Variants in CTSE observed in about 807,000 individuals in gnomAD.
CTSE encodes the protein cathepsin E, also known as erythrocyte membrane aspartic proteinase.
A neutral mutation model predicts 42.8 loss-of-function variants in CTSE; 43 were observed. The observed-to-expected ratio is 1.01, with a 90% CI of 0.79 to 1.30. CTSE has a LOEUF of 1.30. CTSE is among the 50% of genes most tolerant of loss of function. CTSE has a pLI of 0.00. For synonymous variants in CTSE, 205 were observed against 191.5 expected (o/e 1.07, Z -0.58); for missense variants, 532 against 493.5 (o/e 1.08, Z -0.74).
In CTSE at chr1:206,023,757, A is replaced by G; in HGVS notation, c.35T>C (p.Leu12Pro). The G allele has an allele frequency of 1.2e-6, 2 of 1,613,762 alleles. No homozygotes were observed. The highest frequency in any genetic ancestry group is 1.7e-6 in the Non-Finnish European group (2 of 1,179,810). Residue 12 changes from leucine to proline, a missense_variant, in exon 1 of 9, where the codon CTG (leucine) becomes CCG (proline). Coordinates refer to ENST00000358184, the MANE Select transcript of CTSE (RefSeq NM_001910.4). Reference sequence around the variant, plus strand: ...GGATCCTTGGGCCTCTCCCAGCTCCAGGAGCACCAGCAGCAAAAGAAGGAG... The same window carrying G: ...GGATCCTTGGGCCTCTCCCAGCTCCGGGAGCACCAGCAGCAAAAGAAGGAG... ...KTLLLLLLVL[L>P]ELGEAQGSLH...
Position 206,022,336 on chromosome 1 carries a change from C to A in CTSE, c.226-69G>T, listed in dbSNP as rs1451038129. The A allele has an allele frequency of 1.3e-5, 15 of 1,161,644 alleles. No homozygotes were observed. The Admixed American group carries it at 3.0e-4, about 23-fold the overall frequency. 72.0% of individuals were successfully genotyped at this position (1,161,644 alleles called of 1,614,324 possible). A position where few individuals can be genotyped will look rare whatever the true frequency, so the allele number is the denominator to read the frequency against. ...AGGGACAAGGGTGCTCACCAGGAAG[C>A]CAGGGGAAAGCTCCCAGGGGCCAGA... On this transcript the variant is annotated intron_variant, in intron 2 of 8. Transcript: ENST00000358184.
At chr1:206,023,433 G>A (rs539453080) in intron 1 of CTSE, among the ~76,000 whole-genome samples, 5 of 152,002 alleles carry the variant, frequency 3.3e-5, no homozygotes, top group East Asian at 3.9e-4. Flanking sequence ...GTCCTGGGGC[G>A]CTTTGAGCTA....
intron 5 of CTSE, 127 bp from the exon 6 acceptor site, chr1:206,014,021 G>A (rs1661195855): frequency 9.6e-7 from 1 of 1,038,144 alleles, no homozygotes. Flanking sequence ...CATCAGTCTG[G>A]GCTTTGAGAC....
intron 4 of CTSE, among the ~76,000 whole-genome samples, chr1:206,020,059 A>C (rs929489222): frequency 5.5e-5 from 8 of 145,906 alleles, no homozygotes; most frequent in Non-Finnish European, 1.2e-4. Flanking sequence ...TATATGATAT[A>C]ATTATGCAAT....
At chr1:206,014,933 G>T (rs74145080) in intron 5 of CTSE, among the ~76,000 whole-genome samples, 4,186 of 152,062 alleles carry the variant, frequency 0.028, 207 homozygotes, top group African/African-American at 0.096. Flanking sequence ...GTGGGAGAGG[G>T]GAATGAGAGG....
At chr1:206,022,071 C>G in intron 3 of CTSE, 79 bp downstream of exon 3, 1 of 956,434 alleles carries the variant, frequency 1.0e-6, no homozygotes, top group Non-Finnish European at 1.5e-6. Flanking sequence ...ACCTAAGCCC[C>G]CCTTCCCCAG....
At chr1:206,019,538 G>C (rs1553278086) in intron 4 of CTSE, among the ~76,000 whole-genome samples, 1 of 151,834 alleles carries the variant, frequency 6.6e-6, no homozygotes, top group African/African-American at 2.4e-5. Flanking sequence ...ACACCAGCCA[G>C]GTGAGCCAAC....
chr1:206,021,595 T>C (rs1440426121), intron 3 of CTSE, among the ~76,000 whole-genome samples: 3 of 152,056 alleles, frequency 2.0e-5, no homozygotes, highest in Non-Finnish European at 2.9e-5. Context: ...ACATTCTGTC[T>C]CTGGGACTTG....
At position 206,010,156 on chromosome 1, in the gene CTSE, A is replaced by G. The variant is rs1661045866; in HGVS notation, c.*27T>C. On this transcript the variant is annotated 3_prime_UTR_variant, in exon 9 of 9. Coordinates refer to ENST00000358184, the MANE Select transcript of CTSE (RefSeq NM_001910.4). Reference sequence around the variant, plus strand: ...CTAACATATTCAAGGTCTGTCAGACAGGCAGGCACAGACACAAGGCCCCTC... The same window carrying G: ...CTAACATATTCAAGGTCTGTCAGACGGGCAGGCACAGACACAAGGCCCCTC... The G allele has an allele frequency of 6.2e-7, 1 of 1,612,960 alleles. No homozygotes were observed. Among genetic ancestry groups the G allele is most frequent in the South Asian group, 1.1e-5 (1 of 91,056 alleles).
At chr1:206,020,673 G>T (rs955017968) in intron 4 of CTSE, among the ~76,000 whole-genome samples, 13 of 151,998 alleles carry the variant, frequency 8.6e-5, no homozygotes, top group Admixed American at 7.9e-4. Context: ...TTCAGACCTT[G>T]CCCCCTTATG....
rs558074536 is a variant in CTSE, at chr1:206,020,387, C to T, written c.462+662G>A. ...TGCCCTGCTGGCCTCGGGAATACCC[C>T]AGGGACCAACGTTCACCAGGAGTAG... On this transcript the variant is annotated intron_variant, in intron 4 of 8. Transcript: ENST00000358184. 3.0e-3 allele frequency among the ~76,000 whole-genome samples: 449 copies of T among 152,060 alleles called. 4 individuals are homozygous for T. The highest frequency in any genetic ancestry group is 0.01 in the African/African-American group (427 of 41,524).
intron 4 of CTSE, among the ~76,000 whole-genome samples, chr1:206,019,059 G>T (rs1382077221): frequency 1.3e-5 from 2 of 152,008 alleles, no homozygotes; most frequent in Non-Finnish European, 2.9e-5. Flanking sequence ...CCCTTTAAGG[G>T]CTGCATCAGC....
Position 206,010,168 on chromosome 1 carries a change from A to T in CTSE, c.*15T>A. On this transcript the variant is annotated 3_prime_UTR_variant, in exon 9 of 9. Transcript: ENST00000358184. ...AGGTCTGTCAGACAGGCAGGCACAG[A>T]CACAAGGCCCCTCCTTAGGGGACTG... 6.2e-7 allele frequency: 1 copy of T among 1,613,566 alleles called. No individual in the cohort carries two copies. The highest frequency in any genetic ancestry group is 1.7e-5 in the Admixed American group (1 of 59,980).
At chr1:206,016,223 T>G in intron 4 of CTSE, 93 bp from the exon 5 acceptor site, 1 of 1,170,742 alleles carries the variant, frequency 8.5e-7, no homozygotes, top group South Asian at 1.3e-5. Flanking sequence ...GTCTTGAAGC[T>G]AATGCCTCTC....
intron 6 of CTSE, 129 bp from the exon 7 acceptor site, chr1:206,012,778 A>T (rs1190634790): frequency 5.7e-6 from 6 of 1,049,680 alleles, no homozygotes; most frequent in Non-Finnish European, 8.5e-6. Flanking sequence ...GTGTTCCTCA[A>T]TTGTTTTCTA....
intron 6 of CTSE, 127 bp from the exon 7 acceptor site, chr1:206,012,776 C>A: frequency 1.9e-6 from 2 of 1,062,164 alleles, no homozygotes; most frequent in Non-Finnish European, 2.8e-6. Context: ...GAGTGTTCCT[C>A]AATTGTTTTC....
rs1553278290 is a variant in CTSE at position 206,021,030 on chromosome 1, A to G, written c.462+19T>C. 2 of 1,539,518 alleles carry G rather than the reference A, an allele frequency of 1.3e-6. No homozygotes were observed. The highest frequency in any genetic ancestry group is 3.3e-5 in the Admixed American group (2 of 59,892). On this transcript the variant is annotated intron_variant, in intron 4 of 8. Coordinates refer to ENST00000358184, the MANE Select transcript of CTSE (RefSeq NM_001910.4). Reference sequence around the variant, plus strand: ...CAAGTTTCTGTCCAAGAGAGAAAAAATGAAGGACTTGCACTCACAGAGACT... The same window carrying G: ...CAAGTTTCTGTCCAAGAGAGAAAAAGTGAAGGACTTGCACTCACAGAGACT...
At chr1:206,014,523 A>G (rs566527527) in intron 5 of CTSE, among the ~76,000 whole-genome samples, 26 of 152,168 alleles carry the variant, frequency 1.7e-4, no homozygotes, top group African/African-American at 6.3e-4. Context: ...AGGAGTGAAT[A>G]CCTGTAGGAA....
chr1:206,012,430 G>A (rs782747008), intron 7 of CTSE, 24 bp from the exon 8 acceptor site: 13 of 1,613,522 alleles, frequency 8.1e-6, no homozygotes, highest in Middle Eastern at 1.6e-4. Flanking sequence ...CGGAGGATCC[G>A]TTTAGAGCCT....
Sources: allele counts gnomAD v4.1 joint callset (sites outside exome capture counted in the v4.1 genomes callset), GRCh38; gene constraint gnomAD v4.1.1; transcripts MANE v1.5; gene names NCBI Gene and HGNC (gene_info 2026-07-23, HGNC 2026-07-21).